Variants in NT5DC3 observed in about 807,000 individuals in gnomAD.
The protein encoded by NT5DC3 is 5'-nucleotidase domain-containing protein 3.
NT5DC3 carries 42 observed loss-of-function variants against 67.8 expected under a neutral mutation model. That is an observed-to-expected ratio of 0.62 (90% CI 0.48 to 0.80). The LOEUF is 0.80. NT5DC3 is among the 30% of genes least tolerant of loss of function. The pLI, the probability that NT5DC3 is intolerant of heterozygous loss-of-function variation, is 0.00. For missense variants in NT5DC3, 570 were observed against 696.4 expected (o/e 0.82, Z 2.04); for synonymous variants, 237 against 255.6 (o/e 0.93, Z 0.69).
chr12:103,823,239 A>T (rs186096137), intron 1 of NT5DC3, among the ~76,000 whole-genome samples: 1 of 150,562 alleles, frequency 6.6e-6, no homozygotes, highest in African/African-American at 2.4e-5. Flanking sequence ...AAAAAAAAAC[A>T]GAAAAAGCCT....
chr12:103,835,261 G>A (rs1308168993), intron 1 of NT5DC3, among the ~76,000 whole-genome samples: 1 of 152,172 alleles, frequency 6.6e-6, no homozygotes, highest in Admixed American at 6.5e-5. Context: ...ACTTCAACAA[G>A]AGGAGAGAAG....
At chr12:103,762,329 C>T in the NT5DC3 span, 2 of 1,614,250 alleles carry the variant, frequency 1.2e-6, no homozygotes, top group Admixed American at 3.3e-5. Context: ...ATCCTGGTGA[C>T]TGGGGCTGTT....
downstream of NT5DC3, chr12:103,768,961 C>T (rs1885125193): frequency 6.6e-6 from 1 of 152,100 alleles, no homozygotes; most frequent in South Asian, 2.1e-4. Context: ...CCAGTGTCTT[C>T]CCACGCTGCC....
the NT5DC3 span, among the ~76,000 whole-genome samples, chr12:103,758,574 G>A: frequency 1.1e-4 from 17 of 152,296 alleles, no homozygotes; most frequent in South Asian, 6.2e-4. Flanking sequence ...TGAGAGAGGC[G>A]AGAGTAGGCC....
intron 2 of NT5DC3, among the ~76,000 whole-genome samples, chr12:103,807,605 C>T (rs1377278443): frequency 2.6e-5 from 4 of 152,252 alleles, no homozygotes; most frequent in South Asian, 2.1e-4. Context: ...TAGGGAGGCC[C>T]TTCCTTGGCA....
downstream of NT5DC3, among the ~76,000 whole-genome samples, chr12:103,768,647 G>A (rs1345203472): frequency 2.8e-4 from 38 of 135,350 alleles, no homozygotes; most frequent in African/African-American, 1.1e-3. Flanking sequence ...GAGAGAGAGA[G>A]AGAGAGGGAA....
In NT5DC3 at chr12:103,798,660, G is replaced by C. The variant is rs186364518; in HGVS notation, c.542C>G (p.Pro181Arg). 4 of 1,613,640 alleles carry C rather than the reference G, an allele frequency of 2.5e-6. No individual in the cohort carries two copies. The highest frequency in any genetic ancestry group is 1.6e-4 in the Middle Eastern group (1 of 6,062). Reference protein sequence around the residue: ...GTVYRGLSVVPDEEVIEMYEG... With the variant: ...GTVYRGLSVVRDEEVIEMYEG... ...GTACATTTCAATGACTTCTTCATCA[G>C]GGACAACACTGAGGCCTCTGGAAAA... The change falls in exon 5 of 14, where the codon CCT becomes CGT. Residue 181 changes from proline to arginine, a missense_variant. Pro to Arg is a moderately radical substitution (Grantham distance 103, BLOSUM62 -2). Transcript: ENST00000392876.
At position 103,815,129 on chromosome 12, in the gene NT5DC3, TAA is replaced by T. The variant is rs754435355; in HGVS notation, c.209-10_209-9del. On this transcript the variant is annotated splice_polypyrimidine_tract_variant and intron_variant, in intron 1 of 13. Coordinates refer to ENST00000392876, the MANE Select transcript of NT5DC3 (RefSeq NM_001031701.3). ...TAATGGAAGGAACCAATTCTGGAAA[TAA>T]AGAAAAAAAATACATTATACTACAT... 6.3e-7 allele frequency: 1 copy of T among 1,575,864 alleles called. No individual in the cohort carries two copies. The highest frequency in any genetic ancestry group is 1.2e-5 in the South Asian group (1 of 85,962).
At chr12:103,787,047 C>T (rs961227408) in intron 11 of NT5DC3, among the ~76,000 whole-genome samples, 7 of 152,142 alleles carry the variant, frequency 4.6e-5, no homozygotes, top group African/African-American at 1.7e-4. Context: ...TGAAAACCTA[C>T]AGCACATTCT....
intron 1 of NT5DC3, among the ~76,000 whole-genome samples, chr12:103,832,205 G>A (rs1333369436): frequency 6.6e-6 from 1 of 151,912 alleles, no homozygotes; most frequent in African/African-American, 2.4e-5. Flanking sequence ...GTTTTTAGAC[G>A]ATCTAGTCTG....
intron 3 of NT5DC3, 95 bp from the exon 4 acceptor site, chr12:103,806,472 T>G: frequency 1.2e-6 from 1 of 854,078 alleles, no homozygotes; most frequent in Non-Finnish European, 2.0e-6. Context: ...CTATCAACAT[T>G]AGGCTGCCCT....
At chr12:103,746,887 G>A in the NT5DC3 span, among the ~76,000 whole-genome samples, 35 of 151,944 alleles carry the variant, frequency 2.3e-4, no homozygotes, top group Non-Finnish European at 4.7e-4. Flanking sequence ...TCACCCTCTA[G>A]GTCAGGGTTT....
At chr12:103,839,333 A>G (rs1888282053) in intron 1 of NT5DC3, among the ~76,000 whole-genome samples, 1 of 152,114 alleles carries the variant, frequency 6.6e-6, no homozygotes, top group African/African-American at 2.4e-5. Flanking sequence ...TGCAGTCTCA[A>G]CCTTCCAGGC....
chr12:103,811,775 G>A (rs985824881), intron 2 of NT5DC3, among the ~76,000 whole-genome samples: 2 of 152,194 alleles, frequency 1.3e-5, no homozygotes, highest in Non-Finnish European at 2.9e-5. Flanking sequence ...GTTAACACTG[G>A]AGGAAACTGG....
the NT5DC3 span, among the ~76,000 whole-genome samples, chr12:103,748,107 T>C: frequency 2.0e-5 from 3 of 152,174 alleles, no homozygotes; most frequent in Non-Finnish European, 4.4e-5. Context: ...TGGATAAATA[T>C]TCACAGAGAT....
intron 1 of NT5DC3, among the ~76,000 whole-genome samples, chr12:103,835,684 C>A (rs990053919): frequency 1.3e-5 from 2 of 152,170 alleles, no homozygotes; most frequent in Non-Finnish European, 2.9e-5. Context: ...CAAGCACACA[C>A]TAAAAATCTC....
chr12:103,805,007 C>T (rs1034410361), intron 4 of NT5DC3, among the ~76,000 whole-genome samples: 28 of 151,560 alleles, frequency 1.8e-4, no homozygotes, highest in African/African-American at 6.8e-4. Context: ...GCCGAGATCT[C>T]GCCACTGCAC....
rs1364450381 is a variant in NT5DC3, at chr12:103,772,745, G to A, written c.*5084C>T. The A allele has an allele frequency of 6.6e-6, 1 of 152,332 alleles. No individual in the cohort carries two copies. Among genetic ancestry groups the A allele is most frequent in the Non-Finnish European group, 1.5e-5 (1 of 68,152 alleles). The allele number at this position is 152,332 out of a possible 1,614,324, so 9.4% of individuals were successfully genotyped here. On this transcript the variant is annotated 3_prime_UTR_variant, in exon 14 of 14. Transcript: ENST00000392876. ...AGGGTTTCCCAAGTTGGGGTGAGGA[G>A]GCCAGCCCTTTGTACCCCATATGGA...
chr12:103,765,619 A>C (rs1884888754), downstream of NT5DC3, among the ~76,000 whole-genome samples: 1 of 152,192 alleles, frequency 6.6e-6, no homozygotes, highest in Admixed American at 6.5e-5. Flanking sequence ...GCTGGAGTGC[A>C]GCGGCACCAT....
Sources: gnomAD v4.1 joint callset for allele counts (sites outside exome capture counted in the v4.1 genomes callset) on GRCh38, gnomAD v4.1.1 for gene constraint, MANE v1.5 for transcripts, NCBI Gene and HGNC (gene_info 2026-07-23, HGNC 2026-07-21) for gene names.